The following NR3C1 variants were observed in gnomAD, a reference collection of about 807,000 sequenced individuals.
NR3C1 encodes the protein glucocorticoid receptor.
A neutral mutation model predicts 74.0 loss-of-function variants in NR3C1; 14 were observed. The observed-to-expected ratio is 0.19, with a 90% CI of 0.12 to 0.30. The LOEUF (loss-of-function observed/expected upper bound fraction) is 0.30. Ranked by LOEUF, NR3C1 falls within the 10% of genes least tolerant of loss-of-function variation. The pLI, the probability that NR3C1 is intolerant of heterozygous loss-of-function variation, is 1.00. For synonymous variants in NR3C1, 308 were observed against 332.5 expected (o/e 0.93, Z 0.80); for missense variants, 695 against 909.8 (o/e 0.76, Z 3.04).
At chr5:143,305,007 C>G (rs1819276318) in intron 4 of NR3C1, among the ~76,000 whole-genome samples, 1 of 152,070 alleles carries the variant, frequency 6.6e-6, no homozygotes, top group Non-Finnish European at 1.5e-5. Context: ...TATGACTAAT[C>G]CCCAAAAGAA....
chr5:143,314,127 G>C lies in NR3C1; in HGVS notation c.1226C>G (p.Ser409Cys). ...RPDVSSPPSS[S>C]STATTGPPPK... ...AGGTGGTCCTGTTGTTGCTGTTGAG[G>C]AGCTGGATGGAGGAGAGCTTACATC... Residue 409 changes from serine (S) to cysteine (C), a missense_variant, in exon 3 of 9, where the codon TCC becomes TGC. This residue lies in a region of NR3C1 where 497 missense variants were observed against 489.5 expected (regional missense o/e 1.02). Transcript: ENST00000394464. The C allele has an allele frequency of 3.7e-6, 6 of 1,613,766 alleles. No homozygotes were observed. The highest frequency in any genetic ancestry group is 5.1e-6 in the Non-Finnish European group (6 of 1,179,764).
Position 143,300,816 on chromosome 5 carries a change from G to A in NR3C1, c.1469-53C>T, listed in dbSNP as rs1818343615. The A allele has an allele frequency of 8.8e-6, 13 of 1,479,594 alleles. No homozygotes were observed. The highest frequency in any genetic ancestry group is 1.9e-5 in the Admixed American group (1 of 53,980). The allele number at this position is 1,479,594 out of a possible 1,614,324, so 91.7% of individuals were successfully genotyped here. A position where few individuals can be genotyped will look rare whatever the true frequency, so the allele number is the denominator to read the frequency against. ...AATGAACTGTAATGGGAAGGTCTGC[G>A]CTACACAGTTTATTCAAGAAGTATT... On this transcript the variant is annotated intron_variant, in intron 4 of 8. Transcript: ENST00000394464. This position sits in a 1 kb window ranked among gnomAD's most constrained non-coding sequence, Gnocchi z 5.2.
chr5:143,433,625 C>T (rs1304585617), intron 1 of NR3C1: 1 of 151,690 alleles, frequency 6.6e-6, no homozygotes, highest in Non-Finnish European at 1.5e-5. Context: ...TTTTCTCATC[C>T]CCCATGTCCA....
Position 143,280,588 on chromosome 5 carries a change from T to TAA in NR3C1, c.*1299_*1300dup, listed in dbSNP as rs1812940793. 6.6e-6 allele frequency: 1 copy of TAA among 152,642 alleles called. No individual in the cohort carries two copies. The allele number at this position is 152,642 out of a possible 1,614,324, so 9.5% of individuals were successfully genotyped here. ...GTGAAGAAATTCACAGGACTTGTGT[T>TAA]AAACTCTATGGCACACATTAGGGAT... On this transcript the variant is annotated 3_prime_UTR_variant, in exon 9 of 9. Coordinates refer to ENST00000394464, the MANE Select transcript of NR3C1 (RefSeq NM_000176.3).
chr5:143,281,718 T>A lies in NR3C1; in HGVS notation c.*171A>T. 1 of 634,710 alleles carries A rather than the reference T, an allele frequency of 1.6e-6. No individual in the cohort carries two copies. The highest frequency in any genetic ancestry group is 2.9e-5 in the Admixed American group (1 of 33,992). 39.3% of individuals were successfully genotyped at this position (634,710 alleles called of 1,614,324 possible). A position where few individuals can be genotyped will look rare whatever the true frequency, so the allele number is the denominator to read the frequency against. On this transcript the variant is annotated 3_prime_UTR_variant, in exon 9 of 9. Transcript: ENST00000394464. ...AGTGATGACGACTCAACTGCTTCTG[T>A]TGCCAAGTCTTGGCCCTCTATAAAC...
At chr5:143,395,560 GA>G (rs1839044428) in intron 2 of NR3C1, among the ~76,000 whole-genome samples, 1 of 151,846 alleles carries the variant, frequency 6.6e-6, no homozygotes, top group African/African-American at 2.4e-5. Flanking sequence ...GATGTCCTCA[GA>G]AGGGTAAATG....
rs907542250 is a variant in NR3C1, at chr5:143,422,046, A to T, written c.-14+12486T>A. Among the ~76,000 whole-genome samples the T allele has an allele frequency of 5.3e-5, 8 of 152,206 alleles. No homozygotes were observed. The South Asian group carries it at 1.7e-3, about 32-fold the overall frequency. The stretch of plus-strand genomic sequence containing the variant: ...TCTGCCTCTTTTTTAGCCTAGCAAT[A>T]TCTTGTGTTTTCCCTTCTCCATGAT... On this transcript the variant is annotated intron_variant, in intron 1 of 8. Coordinates refer to the NR3C1 transcript ENST00000343796.
chr5:143,350,797 A>G (rs115737390), intron 2 of NR3C1, among the ~76,000 whole-genome samples: 37 of 152,302 alleles, frequency 2.4e-4, no homozygotes, highest in African/African-American at 8.4e-4. Flanking sequence ...AGAGAAGTAG[A>G]AGGAGGAAAA....
Sources: gnomAD v4.1 joint callset for allele counts (sites outside exome capture counted in the v4.1 genomes callset) on GRCh38, gnomAD v4.1.1 for gene constraint, gnomAD v4.1.1 regional missense constraint, Gnocchi (gnomAD v3.1) non-coding constraint, MANE v1.5 for transcripts, NCBI Gene and HGNC (gene_info 2026-07-23, HGNC 2026-07-21) for gene names.